Variants in MAP2K5 observed in about 807,000 individuals in gnomAD.
The protein encoded by MAP2K5 is mitogen-activated protein kinase kinase 5.
In MAP2K5, 49 loss-of-function variants were observed where a neutral mutation model predicts 83.1. That is an observed-to-expected ratio of 0.59 (90% CI 0.47 to 0.75). MAP2K5 has a LOEUF of 0.75. Ranked by LOEUF, MAP2K5 falls within the 30% of genes least tolerant of loss-of-function variation. The pLI, the probability that MAP2K5 is intolerant of heterozygous loss-of-function variation, is 0.00. For missense variants in MAP2K5, 457 were observed against 557.5 expected, an observed-to-expected ratio of 0.82 and a Z score of 1.82; for synonymous variants, 202 against 191.8, an observed-to-expected ratio of 1.05 and a Z score of -0.44.
chr15:67,718,453 T>A (rs2088876801), intron 16 of MAP2K5, among the ~76,000 whole-genome samples: 1 of 152,174 alleles, frequency 6.6e-6, no homozygotes, highest in Admixed American at 6.5e-5. Flanking sequence ...GGCAGTTAAC[T>A]CTAATCATTT....
chr15:67,620,669 A>G (rs1213800531), intron 8 of MAP2K5, among the ~76,000 whole-genome samples: 1 of 152,236 alleles, frequency 6.6e-6, no homozygotes, highest in Admixed American at 6.5e-5. Flanking sequence ...GAAGTTAAAA[A>G]GACTGGAGAA....
chr15:67,645,091 G>C (rs2086801364), intron 9 of MAP2K5, among the ~76,000 whole-genome samples: 1 of 152,122 alleles, frequency 6.6e-6, no homozygotes, highest in Admixed American at 6.5e-5. Context: ...GAGGTTGCTT[G>C]AACCCAGGAG....
At position 67,685,926 on chromosome 15, in the gene MAP2K5, T is replaced by G. The variant is rs866805174; in HGVS notation, c.848-6553T>G. On this transcript the variant is annotated intron_variant, in intron 13 of 21. Transcript: ENST00000178640. Reference sequence around the variant, plus strand: ...TGCATTTGCACTACATCAGCAGAATTTGAGTAGTTACAACAAAAAGCTTAT... The same window carrying G: ...TGCATTTGCACTACATCAGCAGAATGTGAGTAGTTACAACAAAAAGCTTAT... 3.5e-4 allele frequency among the ~76,000 whole-genome samples: 53 copies of G among 152,332 alleles called. 1 individual carries two copies. The highest frequency in any genetic ancestry group is 6.8e-3 in the Middle Eastern group (2 of 294).
At chr15:67,704,091 GT>G (rs540102900) in intron 16 of MAP2K5, among the ~76,000 whole-genome samples, 1 of 151,946 alleles carries the variant, frequency 6.6e-6, no homozygotes, top group African/African-American at 2.4e-5. Context: ...TCTATGCTAT[GT>G]TTTTTTTAAT....
chr15:67,628,082 G>C, intron 8 of MAP2K5: 1 of 750,992 alleles, frequency 1.3e-6, no homozygotes. Flanking sequence ...GGCCACGCAA[G>C]GTGGACGGAA....
In MAP2K5 at chr15:67,665,257, G is replaced by C. The variant is rs768951485; in HGVS notation, c.847+612G>C. Among the ~76,000 whole-genome samples, 1 of 152,032 alleles carries C rather than the reference G, an allele frequency of 6.6e-6. No individual in the cohort carries two copies. The highest frequency in any genetic ancestry group is 1.5e-5 in the Non-Finnish European group (1 of 68,008). ...TTGTCTAGTAACAGAACACATGAGA[G>C]AATAATCAGATGAGTGTTGAATATT... On this transcript the variant is annotated intron_variant, in intron 13 of 21. Transcript: ENST00000178640. The surrounding 1 kb of genome is among the most constrained non-coding windows in gnomAD (Gnocchi z 4.2).
Position 67,775,443 on chromosome 15 carries a change from C to G in MAP2K5, c.1242+2691C>G, listed in dbSNP as rs2090220599. On this transcript the variant is annotated intron_variant, in intron 21 of 21. Transcript: ENST00000178640. The surrounding 1 kb of genome is among the most constrained non-coding windows in gnomAD (Gnocchi z 5.3). ...CTGGCATGTAGCCATGAAGCTACAT[C>G]AGAAGTGCTCTCAAAAGTTTTATCA... Among the ~76,000 whole-genome samples the G allele has an allele frequency of 6.6e-6, 1 of 152,200 alleles. No individual in the cohort carries two copies. The highest frequency in any genetic ancestry group is 2.4e-5 in the African/African-American group (1 of 41,444).
At chr15:67,628,242 G>A (rs1241966766) in intron 8 of MAP2K5, 1 of 634,786 alleles carries the variant, frequency 1.6e-6, no homozygotes, top group Non-Finnish European at 2.8e-6. Flanking sequence ...AACACTTTGG[G>A]AGGCTGAGGT....
chr15:67,616,743 C>T (rs976296844), intron 8 of MAP2K5, among the ~76,000 whole-genome samples: 2 of 152,160 alleles, frequency 1.3e-5, no homozygotes, highest in African/African-American at 4.8e-5. Context: ...TTCTTGCTTA[C>T]CTAGAATAAG....
At position 67,774,839 on chromosome 15, in the gene MAP2K5, T is replaced by G. The variant is rs1015824110; in HGVS notation, c.1242+2087T>G. ...CAGCCAGCAGGGTACCAGCATGGGC[T>G]GCATGGGCCGCTTCAAATGTGAGGC... On this transcript the variant is annotated intron_variant, in intron 21 of 21. Transcript: ENST00000178640. This position sits in a 1 kb window ranked among gnomAD's most constrained non-coding sequence, Gnocchi z 4.9. Among the ~76,000 whole-genome samples the G allele has an allele frequency of 1.8e-4, 28 of 152,234 alleles. No homozygotes were observed. Among genetic ancestry groups the G allele is most frequent in the African/African-American group, 6.3e-4 (26 of 41,460 alleles).
chr15:67,684,161 A>G (rs2087889847), intron 13 of MAP2K5, among the ~76,000 whole-genome samples: 1 of 152,370 alleles, frequency 6.6e-6, no homozygotes, highest in Admixed American at 6.5e-5. Flanking sequence ...CTCTGCATTT[A>G]TAGAGTGAAA....
At chr15:67,700,252 G>T (rs1211109026) in intron 15 of MAP2K5, among the ~76,000 whole-genome samples, 1 of 152,148 alleles carries the variant, frequency 6.6e-6, no homozygotes, top group Admixed American at 6.6e-5. Flanking sequence ...CAGAAGGACT[G>T]CCCTTTAAGA....
intron 21 of MAP2K5, among the ~76,000 whole-genome samples, chr15:67,788,261 A>G (rs1303220586): frequency 6.6e-6 from 1 of 152,056 alleles, no homozygotes; most frequent in Non-Finnish European, 1.5e-5. Context: ...TTTTTTTTAT[A>G]TGGAGATAAG....
At chr15:67,692,637 C>A in intron 14 of MAP2K5, 85 bp downstream of exon 14, 2 of 1,019,358 alleles carry the variant, frequency 2.0e-6, no homozygotes, top group South Asian at 1.4e-5. Context: ...TGAAAAATCA[C>A]CTAGCTGCCA....
intron 8 of MAP2K5, among the ~76,000 whole-genome samples, chr15:67,621,593 A>G (rs2086188556): frequency 6.6e-6 from 1 of 152,184 alleles, no homozygotes; most frequent in Non-Finnish European, 1.5e-5. Context: ...TCTATACATA[A>G]CAGTGATTTT....
intron 3 of MAP2K5, among the ~76,000 whole-genome samples, chr15:67,569,723 G>A (rs1000580399): frequency 1.3e-5 from 2 of 152,150 alleles, no homozygotes; most frequent in Non-Finnish European, 2.9e-5. Context: ...AGATAAGCAC[G>A]AGTAGGCCTC....
chr15:67,582,243 G>A (rs1333818446), intron 4 of MAP2K5, among the ~76,000 whole-genome samples: 4 of 151,774 alleles, frequency 2.6e-5, no homozygotes, highest in African/African-American at 9.7e-5. Flanking sequence ...TGTATTTTTA[G>A]CAGAGACAGG....
Position 67,738,036 on chromosome 15 carries a change from G to C in MAP2K5, c.1074+10091G>C, listed in dbSNP as rs1233262675. On this transcript the variant is annotated intron_variant, in intron 17 of 21. Coordinates refer to ENST00000178640, the MANE Select transcript of MAP2K5 (RefSeq NM_145160.3). The surrounding 1 kb of genome is among the most constrained non-coding windows in gnomAD (Gnocchi z 4.1). ...CCGGCTAATTTTTGTATTTTTAATAGAGATGAGATTTCGCCATGTTGGCCA... is the reference window on the plus strand; with the variant it reads ...CCGGCTAATTTTTGTATTTTTAATACAGATGAGATTTCGCCATGTTGGCCA... 1.3e-5 allele frequency among the ~76,000 whole-genome samples: 2 copies of C among 151,854 alleles called. No individual in the cohort carries two copies. Among genetic ancestry groups the C allele is most frequent in the Non-Finnish European group, 2.9e-5 (2 of 67,950 alleles).
chr15:67,551,666 G>A (rs2084513446), intron 2 of MAP2K5, among the ~76,000 whole-genome samples: 1 of 151,888 alleles, frequency 6.6e-6, no homozygotes, highest in African/African-American at 2.4e-5. Context: ...TTGGAGATAG[G>A]GTCTCACTCT....
Sources: allele counts gnomAD v4.1 joint callset (sites outside exome capture counted in the v4.1 genomes callset), GRCh38; gene constraint gnomAD v4.1.1; non-coding constraint Gnocchi (gnomAD v3.1); transcripts MANE v1.5; gene names NCBI Gene and HGNC (gene_info 2026-07-23, HGNC 2026-07-21).